The following LDB3 variants were observed in gnomAD, a reference collection of about 807,000 sequenced individuals.
LDB3 encodes LIM domain binding 3, also known as LIM domain-binding protein 3.
Under a neutral mutation model 69.0 loss-of-function variants are expected in LDB3, and 49 were observed. That is an observed-to-expected ratio of 0.71 (90% CI 0.56 to 0.90). The LOEUF (loss-of-function observed/expected upper bound fraction) is 0.90. Ranked by LOEUF, LDB3 falls within the 40% of genes least tolerant of loss-of-function variation. The pLI is 0.00. For missense variants in LDB3, 928 were observed against 974.1 expected, an observed-to-expected ratio of 0.95 and a Z score of 0.63; for synonymous variants, 387 against 396.2, an observed-to-expected ratio of 0.98 and a Z score of 0.28.
chr10:86,706,367 C>A lies in LDB3; in HGVS notation c.897-164C>A, dbSNP rs11815273. Among the ~76,000 whole-genome samples the A allele has an allele frequency of 5.6e-3, 860 of 152,312 alleles. 14 individuals are homozygous for A. The highest frequency in any genetic ancestry group is 0.019 in the African/African-American group (807 of 41,560). On this transcript the variant is annotated intron_variant, in intron 7 of 13. Transcript: ENST00000361373. The stretch of plus-strand genomic sequence containing the variant: ...CTGGGATCCTGGAGGAGCTCCTTCC[C>A]TGAGCTGGAAGACACACCCTCTGAG...
In LDB3 at chr10:86,688,137, A is replaced by G. The variant is rs185992114; in HGVS notation, c.690-3759A>G. ...TTTACACACATACACATAATTCCTCACTGTTTTCTACTTGGGAATACCACT... is the reference window on the plus strand; with the variant it reads ...TTTACACACATACACATAATTCCTCGCTGTTTTCTACTTGGGAATACCACT... On this transcript the variant is annotated intron_variant, in intron 5 of 13. Coordinates refer to ENST00000361373, the MANE Select transcript of LDB3 (RefSeq NM_007078.3). 2.8e-5 allele frequency among the ~76,000 whole-genome samples: 4 copies of G among 142,014 alleles called. No homozygotes were observed. The East Asian group carries it at 8.3e-4, about 30-fold the overall frequency. The allele number at this position is 142,014 out of a possible 152,430, so 93.2% of individuals were successfully genotyped here.
At chr10:86,692,603 G>C (rs766286963) in intron 7 of LDB3, 32 bp downstream of exon 7, 16 of 1,606,456 alleles carry the variant, frequency 1.0e-5, no homozygotes, top group Non-Finnish European at 1.4e-5. Context: ...CTGTGGCCTT[G>C]CCCTCTAGCC....
At chr10:86,669,320 C>T (rs867621502) in intron 2 of LDB3, among the ~76,000 whole-genome samples, 2 of 152,186 alleles carry the variant, frequency 1.3e-5, no homozygotes, top group Admixed American at 1.3e-4. Flanking sequence ...ACTTGAGACA[C>T]CAAGACCCTG....
intron 9 of LDB3, 73 bp downstream of exon 9, chr10:86,710,123 T>A: frequency 6.3e-7 from 1 of 1,585,166 alleles, no homozygotes; most frequent in Non-Finnish European, 8.5e-7. Context: ...AGCCAAGAAG[T>A]GGCTCTGGGG....
At chr10:86,698,760 C>T (rs1307811651) in intron 7 of LDB3, among the ~76,000 whole-genome samples, 7 of 152,130 alleles carry the variant, frequency 4.6e-5, no homozygotes, top group African/African-American at 1.7e-4. Context: ...TTTTCGAGGC[C>T]AGGGCAGCAC....
chr10:86,676,047 C>T (rs1844774566), intron 2 of LDB3, among the ~76,000 whole-genome samples: 1 of 152,214 alleles, frequency 6.6e-6, no homozygotes, highest in African/African-American at 2.4e-5. Context: ...TTAATAGAGG[C>T]TATGGCAATG....
At chr10:86,694,400 C>T (rs974238730) in intron 7 of LDB3, among the ~76,000 whole-genome samples, 3 of 152,154 alleles carry the variant, frequency 2.0e-5, no homozygotes, top group South Asian at 4.1e-4. Flanking sequence ...AGCCTCTCCC[C>T]CAGCTACGGC....
At position 86,709,969 on chromosome 10, in the gene LDB3, T is replaced by C; in HGVS notation, c.1150T>C (p.Tyr384His). 6 of 1,613,028 alleles carry C rather than the reference T, an allele frequency of 3.7e-6. No homozygotes were observed. The highest frequency in any genetic ancestry group is 5.1e-6 in the Non-Finnish European group (6 of 1,179,956). Residue 384 changes from tyrosine to histidine, a missense_variant, in exon 9 of 14, where the codon TAC becomes CAC. Coordinates refer to ENST00000361373, the MANE Select transcript of LDB3 (RefSeq NM_007078.3). ...TTCAGCACCTGCCACCCACACCAGC[T>C]ACAGTGAGGGCCCCGCCGCCCCTGC... ...ASSAPATHTSYSEGPAAPAPK... is the reference protein window; with the variant it reads ...ASSAPATHTSHSEGPAAPAPK...
intron 8 of LDB3, 60 bp downstream of exon 8, chr10:86,706,779 T>C: frequency 6.5e-7 from 1 of 1,532,606 alleles, no homozygotes; most frequent in Non-Finnish European, 8.8e-7. Context: ...AACGCCCCAC[T>C]CTGGGTCTAC....
At chr10:86,683,062 G>T (rs1297275729) in intron 5 of LDB3, among the ~76,000 whole-genome samples, 2 of 152,072 alleles carry the variant, frequency 1.3e-5, no homozygotes, top group Non-Finnish European at 2.9e-5. Flanking sequence ...AAGGACTTTT[G>T]CCAGAAAACT....
At chr10:86,686,936 C>A in intron 5 of LDB3, 1 of 826,404 alleles carries the variant, frequency 1.2e-6, no homozygotes, top group Non-Finnish European at 2.0e-6. Context: ...TATGGGGGTT[C>A]AGGGCCTCGG....
At chr10:86,670,110 C>T (rs1169092246) in intron 2 of LDB3, among the ~76,000 whole-genome samples, 1 of 152,152 alleles carries the variant, frequency 6.6e-6, no homozygotes, top group African/African-American at 2.4e-5. Flanking sequence ...CTTATAATAG[C>T]CATAGAGGCC....
At chr10:86,686,940 G>A in intron 5 of LDB3, 1 of 842,608 alleles carries the variant, frequency 1.2e-6, no homozygotes. Flanking sequence ...GGGGTTCAGG[G>A]CCTCGGCTCT....
intron 8 of LDB3, 51 bp from the exon 9 acceptor site, chr10:86,709,854 C>G: frequency 6.3e-7 from 1 of 1,597,666 alleles, no homozygotes; most frequent in Non-Finnish European, 8.5e-7. Flanking sequence ...TGACTGCAGG[C>G]CCCAGTGGGG....
At chr10:86,729,014 G>A (rs1847367559) in intron 13 of LDB3, among the ~76,000 whole-genome samples, 2 of 150,736 alleles carry the variant, frequency 1.3e-5, no homozygotes, top group Non-Finnish European at 2.9e-5. Flanking sequence ...GTATTTTCCT[G>A]TAACTTCCAA....
At position 86,709,926 on chromosome 10, in the gene LDB3, C is replaced by T. The variant is rs1393062462; in HGVS notation, c.1107C>T (p.Ser369=). 6.2e-7 allele frequency: 1 copy of T among 1,611,834 alleles called. No homozygotes were observed. The highest frequency in any genetic ancestry group is 1.1e-5 in the South Asian group (1 of 91,078). ...CCAGGCCCCAGGCCTCTTCCTACAG[C>T]CCCGCAGTGGCCGCCTCTTCAGCAC... is the stretch of plus-strand genomic sequence containing the variant. ...DSPRPQASSY[S]PAVAASSAPA... The change falls in exon 9 of 14, where the codon AGC becomes AGT. Residue 369 remains serine, a synonymous_variant. Coordinates refer to ENST00000361373, the MANE Select transcript of LDB3 (RefSeq NM_007078.3).
intron 7 of LDB3, among the ~76,000 whole-genome samples, chr10:86,698,602 G>A (rs4933407): frequency 0.079 from 12,063 of 152,300 alleles, 566 homozygotes; most frequent in African/African-American, 0.098. Context: ...CTGGTGGGAA[G>A]TGGCCAGAAG....
At chr10:86,715,288 G>T (rs2132479163) in intron 9 of LDB3, among the ~76,000 whole-genome samples, 1 of 152,290 alleles carries the variant, frequency 6.6e-6, no homozygotes, top group Non-Finnish European at 1.5e-5. Flanking sequence ...GGGGGAATGA[G>T]GCCTCTTTGC....
chr10:86,677,025 C>A (rs1183017411), intron 2 of LDB3, among the ~76,000 whole-genome samples: 1 of 152,198 alleles, frequency 6.6e-6, no homozygotes, highest in Non-Finnish European at 1.5e-5. Context: ...GGGTTATAGC[C>A]AGGAAGGTGA....
Sources: allele counts gnomAD v4.1 joint callset (sites outside exome capture counted in the v4.1 genomes callset), GRCh38; gene constraint gnomAD v4.1.1; transcripts MANE v1.5; gene names NCBI Gene and HGNC (gene_info 2026-07-23, HGNC 2026-07-21).